ABCA13: variants seen among roughly 807,000 people sequenced by gnomAD.
The protein encoded by ABCA13 is ATP binding cassette subfamily A member 13.
Under a neutral mutation model 478.7 loss-of-function variants are expected in ABCA13, and 476 were observed. That is an observed-to-expected ratio of 0.99 (90% confidence interval 0.92 to 1.07). ABCA13 has a LOEUF of 1.07. Ranked by LOEUF, ABCA13 falls within the 50% of genes least tolerant of loss-of-function variation. The pLI is 0.00. For missense variants in ABCA13, 6,060 were observed against 5,910.6 expected (o/e 1.03, Z -0.83); for synonymous variants, 2,252 against 2,158.9 (o/e 1.04, Z -1.20).
intron 48 of ABCA13, among the ~76,000 whole-genome samples, chr7:48,491,359 G>A (rs1829823592): frequency 1.3e-5 from 2 of 152,162 alleles, no homozygotes; most frequent in Admixed American, 6.6e-5. Context: ...TAGAACAGAG[G>A]GAAGAGGACA....
intron 43 of ABCA13, among the ~76,000 whole-genome samples, chr7:48,455,920 T>C (rs1467760522): frequency 1.3e-5 from 2 of 152,102 alleles, no homozygotes; most frequent in African/African-American, 4.8e-5. Context: ...GAACCTAAGA[T>C]AGAAACCGAT....
chr7:48,531,019 T>C (rs896485182), intron 55 of ABCA13, among the ~76,000 whole-genome samples: 1 of 152,182 alleles, frequency 6.6e-6, no homozygotes, highest in Non-Finnish European at 1.5e-5. Flanking sequence ...TATCTTTGTT[T>C]TTGTTGCATT....
chr7:48,580,694 A>T (rs1448397280), intron 56 of ABCA13, among the ~76,000 whole-genome samples: 2 of 152,126 alleles, frequency 1.3e-5, no homozygotes, highest in Non-Finnish European at 2.9e-5. Flanking sequence ...TTATTGAACT[A>T]CAAACTTGTA....
At chr7:48,327,600 A>G (rs1479822977) in intron 27 of ABCA13, among the ~76,000 whole-genome samples, 1 of 152,218 alleles carries the variant, frequency 6.6e-6, no homozygotes, top group Non-Finnish European at 1.5e-5. Flanking sequence ...AGAATTGTGA[A>G]TGTTTATATT....
chr7:48,540,418 C>G (rs1833874332), intron 55 of ABCA13, among the ~76,000 whole-genome samples: 1 of 152,072 alleles, frequency 6.6e-6, no homozygotes, highest in Non-Finnish European at 1.5e-5. Context: ...TACTCCATAT[C>G]TGTGTAATTA....
chr7:48,266,573 A>G (rs1794899175), intron 15 of ABCA13, among the ~76,000 whole-genome samples: 1 of 151,818 alleles, frequency 6.6e-6, no homozygotes, highest in African/African-American at 2.4e-5. Context: ...GTTGATATTC[A>G]TAACTTGTGC....
rs544418107 is a variant in ABCA13 at position 48,344,944 on chromosome 7, C to T, written c.10205-5699C>T. 5.3e-5 allele frequency among the ~76,000 whole-genome samples: 8 copies of T among 152,282 alleles called. No homozygotes were observed. In the East Asian group the frequency reaches 1.4e-3, roughly 26 times the overall value. ...TCCTCCCAGAGGAGGGAGATCTGCC[C>T]AGTGTCCTAAGACCTAAGAGTTTTT... On this transcript the variant is annotated intron_variant, in intron 29 of 61. Transcript: ENST00000435803.
chr7:48,372,270 C>A lies in ABCA13; in HGVS notation c.10906C>A (p.Leu3636Met), dbSNP rs1179104264. The A allele has an allele frequency of 7.4e-6, 12 of 1,613,842 alleles. No individual in the cohort carries two copies. In the Admixed American group the frequency reaches 2.0e-4, roughly 27 times the overall value. The part of the protein sequence containing the change: ...TISSATLAIV[L>M]KTSGIFAHSN... ...AAGCAGTGCTACTCTGGCCATCGTTCTGAAAACAAGTGGCATCTTTGCACA... is the reference window on the plus strand; with the variant it reads ...AAGCAGTGCTACTCTGGCCATCGTTATGAAAACAAGTGGCATCTTTGCACA... The change falls in exon 33 of 62, where the codon CTG becomes ATG. Residue 3636 changes from leucine to methionine, a missense_variant. Leu to Met is a conservative substitution (Grantham distance 15, BLOSUM62 2). This residue lies in a region of ABCA13 where 4,423 missense variants were observed against 4,309.1 expected (regional missense o/e 1.03). Transcript: ENST00000435803.
chr7:48,279,710 C>G lies in ABCA13; in HGVS notation c.8516C>G (p.Thr2839Ser), dbSNP rs77189868. The change falls in exon 18 of 62, where the codon ACT (threonine) becomes AGT (serine). Residue 2839 changes from threonine (T) to serine (S), a missense_variant. Thr to Ser is a moderately conservative substitution (Grantham distance 58). Transcript: ENST00000435803. ...CTGTTTAACAACTCTGAATGGATAA[C>G]TTCCACAAGAACTTTGTTTCAGCCA... ...GLLFNNSEWI[T>S]STRTLFQPLF... 4.0e-3 allele frequency: 6,438 copies of G among 1,613,568 alleles called. 237 individuals are homozygous for G. The African/African-American group carries it at 0.075, about 19-fold the overall frequency.
intron 6 of ABCA13, among the ~76,000 whole-genome samples, chr7:48,228,248 T>C (rs995322645): frequency 6.6e-6 from 1 of 152,208 alleles, no homozygotes; most frequent in Non-Finnish European, 1.5e-5. Flanking sequence ...CGTTCTGGCT[T>C]TCCCTGGACT....
At position 48,275,745 on chromosome 7, in the gene ABCA13, A is replaced by G. The variant is rs1584569967; in HGVS notation, c.6079A>G (p.Met2027Val). Residue 2027 changes from methionine to valine, a missense_variant, in exon 17 of 62, where the codon ATG (methionine) becomes GTG (valine). Coordinates refer to ENST00000435803, the MANE Select transcript of ABCA13 (RefSeq NM_152701.5). The stretch of plus-strand genomic sequence containing the variant: ...TACGCATAATCTACTCTCTTTATTC[A>G]TGATGCTCCAGAATGCAAATGTCAC... ...KSTHNLLSLF[M>V]MLQNANVTGS... The G allele has an allele frequency of 1.2e-6, 2 of 1,608,612 alleles. No homozygotes were observed. Among genetic ancestry groups the G allele is most frequent in the Non-Finnish European group, 1.7e-6 (2 of 1,176,926 alleles).
chr7:48,635,897 C>T (rs1305380588), intron 59 of ABCA13, among the ~76,000 whole-genome samples: 1 of 152,138 alleles, frequency 6.6e-6, no homozygotes, highest in Non-Finnish European at 1.5e-5. Context: ...GGAGACTTTA[C>T]TGTTTTTTAA....
intron 29 of ABCA13, among the ~76,000 whole-genome samples, chr7:48,344,671 A>G (rs1807776633): frequency 6.6e-6 from 1 of 152,136 alleles, no homozygotes; most frequent in African/African-American, 2.4e-5. Flanking sequence ...TTTTTCCTAT[A>G]TATTGTGAGA....
chr7:48,226,343 A>T (rs1231812442), intron 5 of ABCA13, among the ~76,000 whole-genome samples: 1 of 152,166 alleles, frequency 6.6e-6, no homozygotes, highest in African/African-American at 2.4e-5. Flanking sequence ...GAAAGAGCTC[A>T]TTCTGGGAGC....
In ABCA13 at chr7:48,279,575, A is replaced by G. The variant is rs372514682; in HGVS notation, c.8381A>G (p.Asn2794Ser). The G allele has an allele frequency of 1.7e-5, 27 of 1,613,424 alleles. No individual in the cohort carries two copies. In the African/African-American group the frequency reaches 1.9e-4, roughly 11 times the overall value. ...GIKSDYEGDL[N>S]KSLYFDTPLS... is the part of the protein sequence containing the mutation. Reference sequence around the variant, plus strand: ...AAAAGTGACTATGAAGGTGATTTGAATAAAAGTTTATATTTTGACACACCT... The same window carrying G: ...AAAAGTGACTATGAAGGTGATTTGAGTAAAAGTTTATATTTTGACACACCT... Residue 2794 changes from asparagine to serine, a missense_variant, in exon 18 of 62, where the codon AAT (asparagine) becomes AGT (serine). Around this residue, in one of 3 missense-constraint regions of ABCA13, gnomAD observed 4,423 missense variants for 4,309.1 expected, o/e 1.03. Transcript: ENST00000435803.
chr7:48,363,266 T>C (rs1192815373), intron 31 of ABCA13, among the ~76,000 whole-genome samples: 1 of 152,200 alleles, frequency 6.6e-6, no homozygotes, highest in East Asian at 1.9e-4. Flanking sequence ...ATTCCTTCCT[T>C]AAGTATCCTG....
chr7:48,437,282 C>G (rs1271124287), intron 42 of ABCA13, among the ~76,000 whole-genome samples: 1 of 151,898 alleles, frequency 6.6e-6, no homozygotes, highest in Non-Finnish European at 1.5e-5. Context: ...TGTTCTTTGT[C>G]TTTTGCATTT....
chr7:48,268,904 C>T, intron 15 of ABCA13, 76 bp from the exon 16 acceptor site: 2 of 412,468 alleles, frequency 4.8e-6, no homozygotes, highest in South Asian at 2.7e-5. Context: ...GTGAACTACT[C>T]TAGCATTTTT....
intron 27 of ABCA13, among the ~76,000 whole-genome samples, chr7:48,322,182 G>A (rs17548345): frequency 0.11 from 16,491 of 152,202 alleles, 1,075 homozygotes; most frequent in South Asian, 0.15. Context: ...CATCAATCAG[G>A]AAACAGAGCA....
Sources: gnomAD v4.1 joint callset for allele counts (sites outside exome capture counted in the v4.1 genomes callset) on GRCh38, gnomAD v4.1.1 for gene constraint, gnomAD v4.1.1 regional missense constraint, MANE v1.5 for transcripts, NCBI Gene and HGNC (gene_info 2026-07-23, HGNC 2026-07-21) for gene names.